Variants in ATG14 observed in about 807,000 individuals in gnomAD.
ATG14 encodes beclin 1-associated autophagy-related key regulator.
Under a neutral mutation model 60.4 loss-of-function variants are expected in ATG14, and 35 were observed. The observed-to-expected ratio is 0.58, with a 90% CI of 0.44 to 0.77. The LOEUF (loss-of-function observed/expected upper bound fraction) is 0.77. Among genes scored for constraint, ATG14 ranks in the 30% least tolerant of loss-of-function variants. ATG14 has a pLI of 0.00. For missense variants in ATG14, 647 were observed against 626.3 expected (o/e 1.03, Z -0.35); for synonymous variants, 234 against 228.8 (o/e 1.02, Z -0.21).
At chr14:55,380,875 A>ATTTT (rs1170779991) in intron 6 of ATG14, among the ~76,000 whole-genome samples, 185 bp from the exon 7 acceptor site, 2 of 112,724 alleles carry the variant, frequency 1.8e-5, no homozygotes, top group Non-Finnish European at 3.5e-5. Context: ...ATATATATAT[A>ATTTT]TTTTTTTTTT....
Position 55,390,897 on chromosome 14 carries a change from C to G in ATG14, c.409+14G>C, listed in dbSNP as rs376566002. The G allele has an allele frequency of 3.3e-5, 51 of 1,541,046 alleles. No individual in the cohort carries two copies. The highest frequency in any genetic ancestry group is 4.1e-5 in the Non-Finnish European group (46 of 1,122,968). On this transcript the variant is annotated intron_variant, in intron 4 of 9. Transcript: ENST00000247178. Reference sequence around the variant, plus strand: ...CACTTTCTAGGGCTGGAAGGAAGGACACGAATTACTTACTTTTCTCCATTT... The same window carrying G: ...CACTTTCTAGGGCTGGAAGGAAGGAGACGAATTACTTACTTTTCTCCATTT...
At chr14:55,405,373 A>T (rs1566586356) in intron 1 of ATG14, among the ~76,000 whole-genome samples, 1 of 152,176 alleles carries the variant, frequency 6.6e-6, no homozygotes, top group East Asian at 1.9e-4. Flanking sequence ...TAGGGCATGC[A>T]TTTCTGTTTC....
Position 55,369,508 on chromosome 14 carries a change from T to A in ATG14, c.*111A>T. 1 of 1,103,842 alleles carries A rather than the reference T, an allele frequency of 9.1e-7. No individual in the cohort carries two copies. The highest frequency in any genetic ancestry group is 1.2e-6 in the Non-Finnish European group (1 of 800,398). The allele number at this position is 1,103,842 out of a possible 1,614,324, so 68.4% of individuals were successfully genotyped here. ...TAAAAAGACAAAACAAAACAACACT[T>A]TAACCTCTTTGTTCCAGACACTATC... On this transcript the variant is annotated 3_prime_UTR_variant, in exon 10 of 10. Transcript: ENST00000247178.
intron 1 of ATG14, among the ~76,000 whole-genome samples, chr14:55,397,812 T>C (rs1170954061): frequency 2.6e-5 from 4 of 152,192 alleles, no homozygotes; most frequent in Non-Finnish European, 5.9e-5. Context: ...CTCTCTCCTA[T>C]AAACTGATTC....
chr14:55,385,157 A>T (rs1885101884), intron 5 of ATG14, among the ~76,000 whole-genome samples: 1 of 152,220 alleles, frequency 6.6e-6, no homozygotes, highest in Non-Finnish European at 1.5e-5. Flanking sequence ...ATTTGTCATG[A>T]TTTCTCTGTG....
chr14:55,399,239 ATATACT>A (rs1327265566), intron 1 of ATG14, among the ~76,000 whole-genome samples: 1 of 152,256 alleles, frequency 6.6e-6, no homozygotes, highest in East Asian at 1.9e-4. Context: ...TGACAGAATT[ATATACT>A]TATAATGTGA....
chr14:55,410,423 A>G (rs1885553471), intron 1 of ATG14, among the ~76,000 whole-genome samples: 1 of 152,226 alleles, frequency 6.6e-6, no homozygotes, highest in African/African-American at 2.4e-5. Context: ...CCGTATTCTT[A>G]TAACTGGTTT....
chr14:55,372,080 C>A (rs1366338634), intron 9 of ATG14, among the ~76,000 whole-genome samples: 2 of 152,112 alleles, frequency 1.3e-5, no homozygotes, highest in Non-Finnish European at 2.9e-5. Flanking sequence ...CGATTCCTCT[C>A]CTAGCGCCAC....
chr14:55,389,220 C>T lies in ATG14; in HGVS notation c.409+1691G>A, dbSNP rs145793838. On this transcript the variant is annotated intron_variant, in intron 4 of 9. Transcript: ENST00000247178. The stretch of plus-strand genomic sequence containing the variant: ...TTTTAACATGCTCATCAGAGAAACA[C>T]GCATGATCAGTAAATTCAGCAATTT... 1.2e-3 allele frequency among the ~76,000 whole-genome samples: 178 copies of T among 152,282 alleles called. 1 individual carries two copies. The highest frequency in any genetic ancestry group is 4.1e-3 in the African/African-American group (171 of 41,544).
chr14:55,410,326 A>G (rs1885551761), intron 1 of ATG14, among the ~76,000 whole-genome samples: 2 of 152,360 alleles, frequency 1.3e-5, no homozygotes, highest in South Asian at 4.1e-4. Context: ...TTATGTGAAT[A>G]GACATAGTAA....
At position 55,411,582 on chromosome 14, in the gene ATG14, G is replaced by C. The variant is rs760861813; in HGVS notation, c.221+20C>G. Reference sequence around the variant, plus strand: ...GGACACACAGCAGAAGAAACAATAGGGCCGTGGCGGCCGCCGTACCTCTCC... The same window carrying C: ...GGACACACAGCAGAAGAAACAATAGCGCCGTGGCGGCCGCCGTACCTCTCC... On this transcript the variant is annotated intron_variant, in intron 1 of 9. Transcript: ENST00000247178. 1 of 1,589,806 alleles carries C rather than the reference G, an allele frequency of 6.3e-7. No homozygotes were observed. The highest frequency in any genetic ancestry group is 8.6e-7 in the Non-Finnish European group (1 of 1,168,732).
At chr14:55,402,802 G>A (rs1885417978) in intron 1 of ATG14, among the ~76,000 whole-genome samples, 1 of 136,296 alleles carries the variant, frequency 7.3e-6, no homozygotes, top group Non-Finnish European at 1.5e-5. Context: ...GCTCACACCT[G>A]TAATCTCAAC....
chr14:55,373,350 T>C (rs1462538195), intron 9 of ATG14, among the ~76,000 whole-genome samples: 2 of 152,328 alleles, frequency 1.3e-5, no homozygotes, highest in African/African-American at 4.8e-5. Flanking sequence ...ATTTCAAATA[T>C]GTGGGAGTGT....
intron 4 of ATG14, among the ~76,000 whole-genome samples, chr14:55,387,656 C>T (rs992003678): frequency 8.5e-5 from 13 of 152,090 alleles, no homozygotes; most frequent in Admixed American, 6.5e-5. Flanking sequence ...TTTGGTTGCA[C>T]GCATTAGATT....
intron 4 of ATG14, among the ~76,000 whole-genome samples, chr14:55,389,122 T>A (rs1885172529): frequency 6.6e-6 from 1 of 152,364 alleles, no homozygotes; most frequent in East Asian, 1.9e-4. Flanking sequence ...CCTTTAGATC[T>A]ATGTCTAATT....
At chr14:55,396,571 C>G (rs1448309570) in intron 2 of ATG14, among the ~76,000 whole-genome samples, 5 of 152,186 alleles carry the variant, frequency 3.3e-5, no homozygotes, top group Non-Finnish European at 5.9e-5. Context: ...TAACTGTTTT[C>G]ATCGGGGGTG....
At chr14:55,394,265 A>C (rs1885275489) in intron 3 of ATG14, among the ~76,000 whole-genome samples, 1 of 151,910 alleles carries the variant, frequency 6.6e-6, no homozygotes, top group Admixed American at 6.6e-5. Context: ...TCAGCCTCCC[A>C]AAGTGCTGGG....
At chr14:55,407,716 C>T (rs915232572) in intron 1 of ATG14, among the ~76,000 whole-genome samples, 3 of 152,102 alleles carry the variant, frequency 2.0e-5, no homozygotes, top group Non-Finnish European at 4.4e-5. Flanking sequence ...TGGCTATCTT[C>T]CTCAAATAAA....
chr14:55,398,456 T>G (rs1241420012), intron 1 of ATG14, among the ~76,000 whole-genome samples: 2 of 152,226 alleles, frequency 1.3e-5, no homozygotes, highest in Non-Finnish European at 2.9e-5. Flanking sequence ...TAAGATTTGA[T>G]ATTGTGTATT....
Sources: allele counts gnomAD v4.1 joint callset (sites outside exome capture counted in the v4.1 genomes callset), GRCh38; gene constraint gnomAD v4.1.1; transcripts MANE v1.5; gene names NCBI Gene and HGNC (gene_info 2026-07-23, HGNC 2026-07-21).